Variants in TPD52L1 observed in about 807,000 individuals in gnomAD.
The protein encoded by TPD52L1 is tumor protein D53.
TPD52L1 carries 18 observed loss-of-function variants against 28.7 expected under a neutral mutation model. The observed-to-expected ratio is 0.63, with a 90% CI of 0.43 to 0.93. TPD52L1 has a LOEUF of 0.93. TPD52L1 is among the 40% of genes least tolerant of loss of function. The pLI is 0.00. For synonymous variants in TPD52L1, 75 were observed against 88.8 expected (o/e 0.84, Z 0.88); for missense variants, 203 against 254.8 (o/e 0.80, Z 1.39).
intron 3 of TPD52L1, among the ~76,000 whole-genome samples, chr6:125,237,788 C>T (rs529912352): frequency 6.6e-6 from 1 of 152,122 alleles, no homozygotes; most frequent in African/African-American, 2.4e-5. Flanking sequence ...GGATCACAGG[C>T]ATGTGCCACC....
At chr6:125,255,237 T>TA (rs1030109422) in intron 5 of TPD52L1, among the ~76,000 whole-genome samples, 11 of 151,766 alleles carry the variant, frequency 7.2e-5, no homozygotes, top group African/African-American at 2.4e-4. Flanking sequence ...GAAACTAACT[T>TA]AAAAAAAAAT....
At position 125,263,039 on chromosome 6, in the gene TPD52L1, A is replaced by C; in HGVS notation, c.*77A>C. On this transcript the variant is annotated 3_prime_UTR_variant, in exon 7 of 7. Transcript: ENST00000534000. ...TCTGCCTGTGCTTATCCAGATAAGA[A>C]GACCAAAATCCCGCTGGGAAAAACC... 2.0e-6 allele frequency: 3 copies of C among 1,474,656 alleles called. No homozygotes were observed. The highest frequency in any genetic ancestry group is 2.7e-6 in the Non-Finnish European group (3 of 1,113,202). The allele number at this position is 1,474,656 out of a possible 1,614,324, so 91.3% of individuals were successfully genotyped here.
intron 6 of TPD52L1, chr6:125,260,518 G>A (rs1289132347): frequency 2.6e-5 from 4 of 152,104 alleles, no homozygotes; most frequent in African/African-American, 9.7e-5. Context: ...CTGAAACACA[G>A]CCTTGGCCAG....
intron 1 of TPD52L1, among the ~76,000 whole-genome samples, chr6:125,174,085 TC>T (rs1353152020): frequency 2.0e-5 from 3 of 152,218 alleles, no homozygotes; most frequent in Non-Finnish European, 4.4e-5. Flanking sequence ...TGGGGGGCCC[TC>T]GATGGATCTT....
chr6:125,263,230 C>A lies in TPD52L1; in HGVS notation c.*268C>A. On this transcript the variant is annotated 3_prime_UTR_variant, in exon 7 of 7. Coordinates refer to ENST00000534000, the MANE Select transcript of TPD52L1 (RefSeq NM_003287.4). ...AGCAGGTACACAACTGGTCATAATT[C>A]CTGTCTGTGTAATTCGATGTATATT... 1 of 427,084 alleles carries A rather than the reference C, an allele frequency of 2.3e-6. No homozygotes were observed. Among genetic ancestry groups the A allele is most frequent in the Non-Finnish European group, 4.2e-6 (1 of 239,486 alleles). 26.5% of individuals were successfully genotyped at this position (427,084 alleles called of 1,614,324 possible).
At chr6:125,169,161 C>T (rs994516784) in intron 1 of TPD52L1, among the ~76,000 whole-genome samples, 1 of 152,134 alleles carries the variant, frequency 6.6e-6, no homozygotes, top group Admixed American at 6.5e-5. Flanking sequence ...GCACTTTGTT[C>T]ACTTGGTTTT....
intron 2 of TPD52L1, among the ~76,000 whole-genome samples, chr6:125,227,112 T>C (rs1390141934): frequency 3.3e-5 from 5 of 152,176 alleles, no homozygotes; most frequent in Non-Finnish European, 5.9e-5. Flanking sequence ...AAGATGTCCA[T>C]GTACATATAA....
At chr6:125,203,593 A>G in intron 1 of TPD52L1, 6 of 984,722 alleles carry the variant, frequency 6.1e-6, no homozygotes, top group Non-Finnish European at 7.2e-6. Context: ...GTTTGTCTGC[A>G]TGGTTTTGAG....
chr6:125,198,215 A>G (rs1056155923), intron 1 of TPD52L1, among the ~76,000 whole-genome samples: 1 of 152,204 alleles, frequency 6.6e-6, no homozygotes, highest in African/African-American at 2.4e-5. Flanking sequence ...CCAAGAGGCC[A>G]TCAGATACTG....
chr6:125,200,622 A>G lies in TPD52L1; in HGVS notation c.20-19456A>G, dbSNP rs1248512451. Reference sequence around the variant, plus strand: ...AACAATTTGGTACATATCCTTTCTCAACTTTCTCAATGCTCATACAAATGC... The same window carrying G: ...AACAATTTGGTACATATCCTTTCTCGACTTTCTCAATGCTCATACAAATGC... On this transcript the variant is annotated intron_variant, in intron 1 of 6. Transcript: ENST00000534000. Among the ~76,000 whole-genome samples the G allele has an allele frequency of 2.6e-5, 4 of 152,314 alleles. No individual in the cohort carries two copies. In the East Asian group the frequency reaches 7.7e-4, roughly 29 times the overall value.
intron 1 of TPD52L1, among the ~76,000 whole-genome samples, chr6:125,180,569 T>TACACAC (rs374673277): frequency 2.0e-5 from 3 of 150,146 alleles, no homozygotes; most frequent in East Asian, 3.9e-4. Context: ...ATATTATATA[T>TACACAC]ACACACACAC....
At chr6:125,235,382 C>T (rs867826384) in intron 3 of TPD52L1, among the ~76,000 whole-genome samples, 11 of 151,804 alleles carry the variant, frequency 7.2e-5, no homozygotes, top group Admixed American at 1.3e-4. Context: ...ACATAAAATA[C>T]GCTAAGGATA....
rs774205395 is a variant in TPD52L1, at chr6:125,257,075, CCTCT to C, written c.426-18_426-15del. On this transcript the variant is annotated intron_variant, in intron 5 of 6. Transcript: ENST00000534000. ...AAGACAGCTAGGCCTTTGGAGCTGACCTCTCTCTTTTTGTTATTTTAGGAATTCT... is the reference window on the plus strand; with the variant it reads ...AAGACAGCTAGGCCTTTGGAGCTGACCTCTTTTTGTTATTTTAGGAATTCT... 1.9e-6 allele frequency: 3 copies of C among 1,605,042 alleles called. No homozygotes were observed. Among genetic ancestry groups the C allele is most frequent in the Non-Finnish European group, 2.6e-6 (3 of 1,173,694 alleles).
At chr6:125,154,339 T>TG (rs1392524877) in intron 1 of TPD52L1, 1 of 1,056,192 alleles carries the variant, frequency 9.5e-7, no homozygotes, top group Non-Finnish European at 1.1e-6. Flanking sequence ...CTTGAGGGAG[T>TG]GGGGAGGGAA....
chr6:125,240,122 G>C (rs1796529598), intron 3 of TPD52L1, among the ~76,000 whole-genome samples: 1 of 152,062 alleles, frequency 6.6e-6, no homozygotes, highest in African/African-American at 2.4e-5. Context: ...CTTTGCCAAA[G>C]ATCAGTTTAT....
intron 3 of TPD52L1, among the ~76,000 whole-genome samples, chr6:125,238,303 G>A (rs565920459): frequency 1.3e-5 from 2 of 152,184 alleles, no homozygotes; most frequent in East Asian, 3.9e-4. Context: ...AACATTTTTA[G>A]TATTTTTAAC....
intron 4 of TPD52L1, among the ~76,000 whole-genome samples, chr6:125,249,550 G>A (rs959202631): frequency 2.6e-5 from 4 of 151,634 alleles, no homozygotes; most frequent in South Asian, 2.1e-4. Flanking sequence ...AAATTAGCCA[G>A]GCATGGTTGT....
intron 4 of TPD52L1, among the ~76,000 whole-genome samples, chr6:125,250,522 T>C (rs1416312669): frequency 6.6e-6 from 1 of 152,176 alleles, no homozygotes; most frequent in Non-Finnish European, 1.5e-5. Context: ...AAAATTGCAG[T>C]TTTTTATCTT....
chr6:125,184,816 G>C (rs937433743), intron 1 of TPD52L1, among the ~76,000 whole-genome samples: 1 of 150,758 alleles, frequency 6.6e-6, no homozygotes, highest in African/African-American at 2.4e-5. Flanking sequence ...AACCAACAAA[G>C]TAAACTAAAT....
Sources: gnomAD v4.1 joint callset for allele counts (sites outside exome capture counted in the v4.1 genomes callset) on GRCh38, gnomAD v4.1.1 for gene constraint, MANE v1.5 for transcripts, NCBI Gene and HGNC (gene_info 2026-07-23, HGNC 2026-07-21) for gene names.